Variants in REV3L observed in about 807,000 individuals in gnomAD.
The protein encoded by REV3L is DNA polymerase zeta catalytic subunit.
REV3L carries 69 observed loss-of-function variants against 299.4 expected under a neutral mutation model. The ratio of observed to expected loss-of-function variants is 0.23; its 90% CI spans 0.19 to 0.28. REV3L has a LOEUF of 0.28. REV3L is among the 10% of genes least tolerant of loss of function. The probability of loss-of-function intolerance (pLI) is 1.00; values close to 1 mark genes in which losing one functional copy is unlikely to be tolerated. For synonymous variants in REV3L, 1,238 were observed against 1,271.4 expected (o/e 0.97, Z 0.56); for missense variants, 3,128 against 3,693.8 (o/e 0.85, Z 3.97).
intron 1 of REV3L, among the ~76,000 whole-genome samples, chr6:111,442,553 T>C (rs1788396877): frequency 6.6e-6 from 1 of 152,218 alleles, no homozygotes; most frequent in South Asian, 2.1e-4. Context: ...ATGAGCTGCA[T>C]ATGGTAGTGC....
At chr6:111,411,002 A>G (rs769459831) in intron 3 of REV3L, among the ~76,000 whole-genome samples, 3 of 152,146 alleles carry the variant, frequency 2.0e-5, no homozygotes, top group Admixed American at 6.6e-5. Context: ...CAGGGAGACT[A>G]ACTGAGGGAA....
intron 31 of REV3L, among the ~76,000 whole-genome samples, chr6:111,307,148 C>T (rs1482611522): frequency 6.6e-6 from 1 of 152,078 alleles, no homozygotes; most frequent in African/African-American, 2.4e-5. Context: ...AAACACAACA[C>T]ACTATTCCAT....
chr6:111,367,208 A>C lies in REV3L; in HGVS notation c.6580T>G (p.Cys2194Gly). The change falls in exon 14 of 32, where the codon TGT becomes GGT. Residue 2194 changes from cysteine to glycine, a missense_variant. Physicochemically the swap from Cys to Gly is radical, Grantham distance 159. Coordinates refer to ENST00000368802, the MANE Select transcript of REV3L (RefSeq NM_001372078.1). ...PINTRARTGK[C>G]ESLCFHSTPI... is the part of the protein sequence containing the mutation. ...GTACTATGAAAGCAAAGTGATTCAC[A>C]TTTCCCAGTTCTTGCCCTAGTATTA... is the stretch of plus-strand genomic sequence containing the variant. The C allele has an allele frequency of 1.2e-6, 2 of 1,614,062 alleles. No homozygotes were observed. The highest frequency in any genetic ancestry group is 1.7e-6 in the Non-Finnish European group (2 of 1,179,986).
At chr6:111,396,183 T>C (rs903776813) in intron 4 of REV3L, among the ~76,000 whole-genome samples, 12 of 151,982 alleles carry the variant, frequency 7.9e-5, no homozygotes, top group Non-Finnish European at 1.5e-4. Context: ...CATGCCACCA[T>C]ACCCAGCTAA....
chr6:111,422,587 TATATATACAC>T lies in REV3L; in HGVS notation c.140-6125_140-6116del, dbSNP rs1213460091. Among the ~76,000 whole-genome samples, 10 of 33,216 alleles carry T rather than the reference TATATATACAC, an allele frequency of 3.0e-4. 1 individual carries two copies. Among genetic ancestry groups the T allele is most frequent in the Admixed American group, 8.7e-4 (2 of 2,310 alleles). 21.8% of individuals were successfully genotyped at this position (33,216 alleles called of 152,430 possible). On this transcript the variant is annotated intron_variant, in intron 1 of 31. Coordinates refer to ENST00000368802, the MANE Select transcript of REV3L (RefSeq NM_001372078.1). ...TTTTATATATATATACACATATATATATATATACACATATATATATATATACACATATATA... is the reference window on the plus strand; with the variant it reads ...TTTTATATATATATACACATATATATATATATATATATATACACATATATA...
intron 1 of REV3L, among the ~76,000 whole-genome samples, chr6:111,422,148 GA>G (rs1373069923): frequency 6.6e-6 from 1 of 152,018 alleles, no homozygotes; most frequent in African/African-American, 2.4e-5. Flanking sequence ...TAACAATAGT[GA>G]AAAAAATGAA....
At chr6:111,441,650 T>C (rs1203507560) in intron 1 of REV3L, among the ~76,000 whole-genome samples, 1 of 152,276 alleles carries the variant, frequency 6.6e-6, no homozygotes, top group Non-Finnish European at 1.5e-5. Flanking sequence ...CCAAAATCTC[T>C]GCCATATCTA....
At chr6:111,459,219 G>C (rs1478337360) in intron 1 of REV3L, among the ~76,000 whole-genome samples, 1 of 152,076 alleles carries the variant, frequency 6.6e-6, no homozygotes, top group East Asian at 1.9e-4. Flanking sequence ...TGGGATAACT[G>C]GCTAGCCATA....
At chr6:111,396,268 C>T (rs1489546217) in intron 4 of REV3L, among the ~76,000 whole-genome samples, 3 of 152,132 alleles carry the variant, frequency 2.0e-5, no homozygotes, top group Admixed American at 2.0e-4. Context: ...CTCAAGTGAT[C>T]TACCCACTTC....
chr6:111,318,081 TTTTTC>T (rs1391697055), intron 26 of REV3L, among the ~76,000 whole-genome samples: 1 of 149,066 alleles, frequency 6.7e-6, no homozygotes, highest in Non-Finnish European at 1.5e-5. Context: ...TAGGTTTTCC[TTTTTC>T]TTTTTTCTTT....
intron 9 of REV3L, among the ~76,000 whole-genome samples, chr6:111,386,558 C>T (rs889737615): frequency 4.6e-5 from 7 of 152,172 alleles, no homozygotes; most frequent in African/African-American, 1.4e-4. Context: ...AAAAATTAAA[C>T]ACAAATATAC....
chr6:111,385,262 T>C (rs1483785735), intron 9 of REV3L, among the ~76,000 whole-genome samples: 4 of 152,142 alleles, frequency 2.6e-5, no homozygotes, highest in Non-Finnish European at 4.4e-5. Flanking sequence ...ATTGGAATGT[T>C]TGTAACACAA....
intron 5 of REV3L, 91 bp from the exon 6 acceptor site, chr6:111,390,271 T>G: frequency 2.6e-6 from 2 of 773,586 alleles, no homozygotes; most frequent in South Asian, 3.2e-5. Flanking sequence ...TACATTTAGC[T>G]TGTACCCAGA....
At chr6:111,437,055 C>A (rs1019133644) in intron 1 of REV3L, among the ~76,000 whole-genome samples, 4 of 152,130 alleles carry the variant, frequency 2.6e-5, no homozygotes, top group Admixed American at 2.6e-4. Context: ...CGGAACCACA[C>A]GCTCACTAGG....
intron 4 of REV3L, among the ~76,000 whole-genome samples, chr6:111,404,917 G>T (rs1783464716): frequency 6.6e-6 from 1 of 152,080 alleles, no homozygotes; most frequent in Non-Finnish European, 1.5e-5. Context: ...AGTGGTGGAG[G>T]TGATGGCTCA....
At chr6:111,411,596 C>A in intron 2 of REV3L, 42 bp from the exon 3 acceptor site, 1 of 1,283,792 alleles carries the variant, frequency 7.8e-7, no homozygotes, top group South Asian at 1.3e-5. Flanking sequence ...TTTCATAATT[C>A]AGAGATGAAA....
At chr6:111,391,124 G>C (rs1347691150) in intron 5 of REV3L, among the ~76,000 whole-genome samples, 1 of 149,494 alleles carries the variant, frequency 6.7e-6, no homozygotes, top group Non-Finnish European at 1.5e-5. Flanking sequence ...GGAGTGCACT[G>C]GTGCGAACTC....
At chr6:111,303,197 C>A (rs369594) in intron 31 of REV3L, among the ~76,000 whole-genome samples, 89,353 of 119,066 alleles carry the variant, frequency 0.75, 33,877 homozygotes, top group Non-Finnish European at 0.81. Flanking sequence ...TGAGAGAGAG[C>A]GTCTCATTCT....
rs183364537 is a variant in REV3L at position 111,312,686 on chromosome 6, T to G, written c.8604+666A>C. The G allele has an allele frequency of 1.3e-4, 20 of 152,376 alleles. No individual in the cohort carries two copies. The East Asian group carries it at 3.9e-3, about 29-fold the overall frequency. 9.4% of individuals were successfully genotyped at this position (152,376 alleles called of 1,614,324 possible). A position where few individuals can be genotyped will look rare whatever the true frequency, so the allele number is the denominator to read the frequency against. On this transcript the variant is annotated intron_variant, in intron 28 of 31. Transcript: ENST00000368802. Reference sequence around the variant, plus strand: ...GATTCTCACACCTCAGTCTCCCGAGTAGCTGGGATTACAGGCATGCGCCAC... The same window carrying G: ...GATTCTCACACCTCAGTCTCCCGAGGAGCTGGGATTACAGGCATGCGCCAC...
Sources: allele counts gnomAD v4.1 joint callset (sites outside exome capture counted in the v4.1 genomes callset), GRCh38; gene constraint gnomAD v4.1.1; transcripts MANE v1.5; gene names NCBI Gene and HGNC (gene_info 2026-07-23, HGNC 2026-07-21).